SMARCB1: variants seen among roughly 807,000 people sequenced by gnomAD.
SMARCB1 encodes the protein SWI/SNF-related matrix-associated actin-dependent regulator of chromatin subfamily B member 1.
SMARCB1 carries 5 observed loss-of-function variants against 49.0 expected under a neutral mutation model. The ratio of observed to expected loss-of-function variants is 0.10; its 90% CI spans 0.05 to 0.21. SMARCB1 has a LOEUF of 0.21. Among genes scored for constraint, SMARCB1 ranks in the 10% least tolerant of loss-of-function variants. The pLI is 1.00. For missense variants in SMARCB1, 226 were observed against 509.2 expected, an observed-to-expected ratio of 0.44 and a Z score of 5.35; for synonymous variants, 201 against 200.1, an observed-to-expected ratio of 1.00 and a Z score of -0.04.
rs2146042336 is a variant in SMARCB1, at chr22:23,833,642, C to T, written c.1057C>T (p.Leu353=). 6.2e-7 allele frequency: 1 copy of T among 1,614,176 alleles called. No individual in the cohort carries two copies. Among genetic ancestry groups the T allele is most frequent in the Non-Finnish European group, 8.5e-7 (1 of 1,179,998 alleles). The change falls in exon 8 of 9, where the codon CTG becomes TTG. Residue 353 remains leucine, a synonymous_variant. Transcript: ENST00000644036. ...CGATGCGGACCAGTGGTGCCCACTG[C>T]TGGAGACTCTGACAGACGCTGAGAT... The part of the protein sequence containing the change: ...TGDADQWCPL[L]ETLTDAEMEK...
At chr22:23,816,491 T>TG in intron 5 of SMARCB1, 1 of 584,752 alleles carries the variant, frequency 1.7e-6, no homozygotes, top group Non-Finnish European at 3.1e-6. Context: ...GATAATCTCA[T>TG]GCGCCCACCC....
In SMARCB1 at chr22:23,791,701, C is replaced by T. The variant is rs1419359985; in HGVS notation, c.94-55C>T. 7.6e-6 allele frequency: 12 copies of T among 1,587,094 alleles called. No individual in the cohort carries two copies. In the East Asian group the frequency reaches 2.0e-4, roughly 27 times the overall value. ...TTGATGCAGTCTGCGCCAGGACCCT[C>T]CCCTTCCCTGTGGTGCTGCGACCCT... On this transcript the variant is annotated intron_variant, in intron 1 of 8. Transcript: ENST00000644036.
intron 1 of SMARCB1, among the ~76,000 whole-genome samples, chr22:23,790,672 G>A (rs1196987252): frequency 2.0e-5 from 3 of 151,888 alleles, no homozygotes; most frequent in Non-Finnish European, 2.9e-5. Flanking sequence ...GTGAAACTCC[G>A]TCTCTACAAA....
chr22:23,803,506 G>A, intron 5 of SMARCB1, 84 bp downstream of exon 5: 1 of 1,530,218 alleles, frequency 6.5e-7, no homozygotes, highest in Non-Finnish European at 9.0e-7. Flanking sequence ...CCAGCTGCCT[G>A]TCAGGCAGAT....
At chr22:23,793,987 C>T (rs1004707877) in intron 3 of SMARCB1, among the ~76,000 whole-genome samples, 1 of 152,130 alleles carries the variant, frequency 6.6e-6, no homozygotes, top group Non-Finnish European at 1.5e-5. Context: ...TCTTGTTGCC[C>T]AGGATGGAGT....
chr22:23,807,595 T>TAAA (rs3062485), intron 5 of SMARCB1, among the ~76,000 whole-genome samples: 1 of 147,898 alleles, frequency 6.8e-6, no homozygotes. Flanking sequence ...TTTTTAAAGT[T>TAAA]AAAAAAAAAA....
intron 1 of SMARCB1, among the ~76,000 whole-genome samples, chr22:23,791,079 G>A (rs1316497278): frequency 3.3e-5 from 5 of 152,090 alleles, no homozygotes; most frequent in African/African-American, 9.7e-5. Context: ...ATGTGACTCC[G>A]AAGTGATCAT....
At chr22:23,801,204 G>A in intron 4 of SMARCB1, 123 bp downstream of exon 4, 1 of 1,334,222 alleles carries the variant, frequency 7.5e-7, no homozygotes, top group Non-Finnish European at 1.1e-6. Context: ...CAACGCCACA[G>A]TACCTCCTCG....
chr22:23,837,553 G>A lies in SMARCB1; in HGVS notation c.*3373G>A, dbSNP rs990507852. On this transcript the variant is annotated 3_prime_UTR_variant, in exon 9 of 9. Coordinates refer to ENST00000644036, the MANE Select transcript of SMARCB1 (RefSeq NM_003073.5). ...CAGGAAGATGGGGATGGAGCCAGGT[G>A]TGAGGAGAACTCCAGCAAGGATGGG... 2.5e-6 allele frequency: 3 copies of A among 1,191,546 alleles called. No individual in the cohort carries two copies. The highest frequency in any genetic ancestry group is 3.5e-6 in the Non-Finnish European group (3 of 846,774). 73.8% of individuals were successfully genotyped at this position (1,191,546 alleles called of 1,614,324 possible).
At chr22:23,800,336 TCTA>T (rs1321035585) in intron 3 of SMARCB1, among the ~76,000 whole-genome samples, 2 of 152,286 alleles carry the variant, frequency 1.3e-5, no homozygotes, top group African/African-American at 4.8e-5. Flanking sequence ...CTTCTCAACT[TCTA>T]CTGCTGTGGA....
chr22:23,788,250 C>T (rs529308573), intron 1 of SMARCB1, among the ~76,000 whole-genome samples: 10 of 152,048 alleles, frequency 6.6e-5, no homozygotes, highest in Admixed American at 1.3e-4. Context: ...TATATGTTAC[C>T]TTTTTAAAAA....
At chr22:23,793,449 G>A (rs1928531058) in intron 2 of SMARCB1, 110 bp from the exon 3 acceptor site, 1 of 1,152,990 alleles carries the variant, frequency 8.7e-7, no homozygotes, top group South Asian at 1.2e-5. Flanking sequence ...TTGACACCTT[G>A]CTTTTCCCAC....
chr22:23,824,191 C>G (rs6003894), intron 6 of SMARCB1: 15,854 of 152,196 alleles, frequency 0.1, 2,528 homozygotes, highest in African/African-American at 0.34. Flanking sequence ...TGAACATGAT[C>G]GGGGATTGGG....
intron 6 of SMARCB1, among the ~76,000 whole-genome samples, chr22:23,822,411 C>G (rs17003972): frequency 2.0e-5 from 3 of 152,164 alleles, no homozygotes; most frequent in African/African-American, 7.2e-5. Context: ...GTCCTGGCCC[C>G]GTCTTAGCTC....
Position 23,788,561 on chromosome 22 carries a change from G to A in SMARCB1, c.93+1299G>A, listed in dbSNP as rs546899346. Reference sequence around the variant, plus strand: ...CCTGGGACTACAGGTGTGCACCACCGTGCCCGACTAATTTTTGTATTTTTT... The same window carrying A: ...CCTGGGACTACAGGTGTGCACCACCATGCCCGACTAATTTTTGTATTTTTT... On this transcript the variant is annotated intron_variant, in intron 1 of 8. Transcript: ENST00000644036. Among the ~76,000 whole-genome samples, 8 of 150,900 alleles carry A rather than the reference G, an allele frequency of 5.3e-5. No individual in the cohort carries two copies. The East Asian group carries it at 6.0e-4, about 11-fold the overall frequency.
intron 7 of SMARCB1, among the ~76,000 whole-genome samples, chr22:23,826,478 T>C (rs879452): frequency 0.13 from 20,237 of 151,034 alleles, 1,470 homozygotes; most frequent in South Asian, 0.27. Context: ...AGCAGGACTC[T>C]AGGACTGGGA....
At chr22:23,801,699 T>C (rs866445887) in intron 4 of SMARCB1, 29 of 281,718 alleles carry the variant, frequency 1.0e-4, no homozygotes, top group Non-Finnish European at 5.6e-5. Flanking sequence ...GTCTCTCTCT[T>C]AGAAGGACAC....
intron 3 of SMARCB1, among the ~76,000 whole-genome samples, chr22:23,796,428 C>G (rs1026228696): frequency 6.6e-6 from 1 of 152,096 alleles, no homozygotes; most frequent in African/African-American, 2.4e-5. Flanking sequence ...AAGATTGTAC[C>G]CATCTACCTT....
At chr22:23,805,505 G>A (rs190512875) in intron 5 of SMARCB1, among the ~76,000 whole-genome samples, 167 of 152,086 alleles carry the variant, frequency 1.1e-3, no homozygotes, top group Non-Finnish European at 9.3e-4. Context: ...TTTCATTGCC[G>A]TTTTTCTTCT....
Sources: allele counts gnomAD v4.1 joint callset (sites outside exome capture counted in the v4.1 genomes callset), GRCh38; gene constraint gnomAD v4.1.1; transcripts MANE v1.5; gene names NCBI Gene and HGNC (gene_info 2026-07-23, HGNC 2026-07-21).